Variants in PELP1 observed in about 807,000 individuals in gnomAD.
PELP1 encodes proline, glutamate and leucine rich protein 1.
Under a neutral mutation model 95.5 loss-of-function variants are expected in PELP1, and 32 were observed. That is an observed-to-expected ratio of 0.34 (90% CI 0.25 to 0.45). The LOEUF (loss-of-function observed/expected upper bound fraction) is 0.45. PELP1 is among the 20% of genes least tolerant of loss of function. PELP1 has a pLI of 1.00. For synonymous variants in PELP1, 668 were observed against 600.1 expected (o/e 1.11, Z -1.65); for missense variants, 1,358 against 1,444.8 (o/e 0.94, Z 0.97).
chr17:4,681,743 T>C (rs1039560082), intron 5 of PELP1, among the ~76,000 whole-genome samples: 1 of 151,862 alleles, frequency 6.6e-6, no homozygotes, highest in Non-Finnish European at 1.5e-5. Context: ...GAGGTTGCAG[T>C]GAGCCAAGAT....
chr17:4,703,092 T>C (rs1047131945), intron 1 of PELP1, among the ~76,000 whole-genome samples: 24 of 152,324 alleles, frequency 1.6e-4, no homozygotes, highest in Middle Eastern at 3.4e-3. Context: ...TCCATTCTTA[T>C]AGAAGTCCAA....
Position 4,698,255 on chromosome 17 carries a change from C to T in PELP1, c.249+5608G>A, listed in dbSNP as rs936860308. Among the ~76,000 whole-genome samples, 9 of 151,952 alleles carry T rather than the reference C, an allele frequency of 5.9e-5. No individual in the cohort carries two copies. The East Asian group carries it at 9.6e-4, about 16-fold the overall frequency. On this transcript the variant is annotated intron_variant, in intron 1 of 16. Transcript: ENST00000572293. ...AGATCCTAACCTGAGGGGCATCCTA[C>T]GAAATAACTATTCTGTACTCTTTAA...
At chr17:4,698,901 A>G (rs1447882508) in intron 1 of PELP1, among the ~76,000 whole-genome samples, 2 of 152,178 alleles carry the variant, frequency 1.3e-5, no homozygotes, top group African/African-American at 2.4e-5. Context: ...ACACACTAAA[A>G]TATGTCAAAG....
chr17:4,695,512 A>T (rs992944358), intron 1 of PELP1, among the ~76,000 whole-genome samples: 1 of 151,382 alleles, frequency 6.6e-6, no homozygotes, highest in Non-Finnish European at 1.5e-5. Context: ...AAAAATTTTT[A>T]AAAATTAGCC....
Position 4,671,156 on chromosome 17 carries a change from C to T in PELP1, c.*283G>A, listed in dbSNP as rs1273410030. 4.1e-6 allele frequency: 2 copies of T among 482,486 alleles called. No homozygotes were observed. Among genetic ancestry groups the T allele is most frequent in the Non-Finnish European group, 7.5e-6 (2 of 267,362 alleles). The allele number at this position is 482,486 out of a possible 1,614,324, so 29.9% of individuals were successfully genotyped here. A position where few individuals can be genotyped will look rare whatever the true frequency, so the allele number is the denominator to read the frequency against. On this transcript the variant is annotated 3_prime_UTR_variant, in exon 17 of 17. Coordinates refer to ENST00000572293, the MANE Select transcript of PELP1 (RefSeq NM_014389.3). ...CTATAACTCCTCATTCTTAACCCTA[C>T]ACACAATTCTGCACGTTTAGCATCC...
At chr17:4,678,382 G>C (rs59395623) in intron 5 of PELP1, among the ~76,000 whole-genome samples, 1,944 of 152,060 alleles carry the variant, frequency 0.013, 38 homozygotes, top group African/African-American at 0.043. Flanking sequence ...GACTGACGTG[G>C]GAGGATCACT....
Position 4,675,026 on chromosome 17 carries a change from C to A in PELP1, c.1274+53G>T. ...TGCCAGAAGCCCCAGCCCACCTGCA[C>A]CCCCTCACCCCCCTCTCCTCTTTAT... On this transcript the variant is annotated intron_variant, in intron 11 of 16. Transcript: ENST00000572293. This position sits in a 1 kb window ranked among gnomAD's most constrained non-coding sequence, Gnocchi z 4.3. 2 of 1,605,640 alleles carry A rather than the reference C, an allele frequency of 1.2e-6. No homozygotes were observed. The highest frequency in any genetic ancestry group is 1.7e-6 in the Non-Finnish European group (2 of 1,173,196).
rs868239336 is a variant in PELP1, at chr17:4,672,908, C to T, written c.2083G>A (p.Val695Met). Reference protein sequence around the residue: ...SAGPMPSAGPVPSARPGPPTT... With the variant: ...SAGPMPSAGPMPSARPGPPTT... Reference sequence around the variant, plus strand: ...GGAGGTCCAGGGCGTGCCGAGGGCACAGGGCCTGCTGAGGGCATGGGGCCT... The same window carrying T: ...GGAGGTCCAGGGCGTGCCGAGGGCATAGGGCCTGCTGAGGGCATGGGGCCT... Residue 695 changes from valine (V) to methionine (M), a missense_variant, in exon 16 of 17, where the codon GTG becomes ATG. Val to Met is a conservative substitution (Grantham distance 21). Around this residue, in one of 7 missense-constraint regions of PELP1, gnomAD observed 340 missense variants for 322.9 expected, o/e 1.05. Coordinates refer to ENST00000572293, the MANE Select transcript of PELP1 (RefSeq NM_014389.3). 1.2e-6 allele frequency: 2 copies of T among 1,601,776 alleles called. No homozygotes were observed. Among genetic ancestry groups the T allele is most frequent in the Admixed American group, 1.7e-5 (1 of 59,656 alleles).
At chr17:4,691,561 A>G in intron 1 of PELP1, 119 bp from the exon 2 acceptor site, 2 of 716,990 alleles carry the variant, frequency 2.8e-6, no homozygotes, top group Non-Finnish European at 2.4e-6. Context: ...ATCTCCTCTG[A>G]GGCCAAAAGG....
intron 3 of PELP1, among the ~76,000 whole-genome samples, chr17:4,684,220 C>A (rs1426011767): frequency 6.6e-6 from 1 of 152,124 alleles, no homozygotes; most frequent in Non-Finnish European, 1.5e-5. Context: ...AACAGGCAGG[C>A]CTACCAACGA....
chr17:4,672,572 T>C lies in PELP1; in HGVS notation c.2419A>G (p.Thr807Ala), dbSNP rs1260111546. ...PLPPPPPSGATPPPIAPTGPP... is the reference protein window; with the variant it reads ...PLPPPPPSGAAPPPIAPTGPP... ...CCAGTGGGGGCTATAGGGGGTGGTG[T>C]GGCACCTGAGGGTGGTGGGGGTGGC... Residue 807 changes from threonine to alanine, a missense_variant, in exon 16 of 17, where the codon ACA becomes GCA. Thr to Ala is a moderately conservative substitution (Grantham distance 58). Coordinates refer to ENST00000572293, the MANE Select transcript of PELP1 (RefSeq NM_014389.3). 2 of 760,506 alleles carry C rather than the reference T, an allele frequency of 2.6e-6. No individual in the cohort carries two copies. The highest frequency in any genetic ancestry group is 4.6e-5 in the African/African-American group (1 of 21,808). 47.1% of individuals were successfully genotyped at this position (760,506 alleles called of 1,614,324 possible). A position where few individuals can be genotyped will look rare whatever the true frequency, so the allele number is the denominator to read the frequency against.
rs2135909 is a variant in PELP1 at position 4,670,758 on chromosome 17, A to G, written c.*681T>C. On this transcript the variant is annotated 3_prime_UTR_variant, in exon 17 of 17. Coordinates refer to ENST00000572293, the MANE Select transcript of PELP1 (RefSeq NM_014389.3). ...AAAGAAAAGACACTGGGTGGGAAATATCCACACCTCAAGAGTGAGCAGGAA... is the reference window on the plus strand; with the variant it reads ...AAAGAAAAGACACTGGGTGGGAAATGTCCACACCTCAAGAGTGAGCAGGAA... 138,834 of 152,320 alleles carry G rather than the reference A, an allele frequency of 0.91. 64,650 individuals are homozygous for G. The highest frequency in any genetic ancestry group is 1 in the East Asian group (5,162 of 5,162). 9.4% of individuals were successfully genotyped at this position (152,320 alleles called of 1,614,324 possible).
chr17:4,694,837 G>A (rs1442589820), intron 1 of PELP1, among the ~76,000 whole-genome samples: 1 of 151,304 alleles, frequency 6.6e-6, no homozygotes, highest in Non-Finnish European at 1.5e-5. Context: ...CAGGCGTGGT[G>A]GTGGGCGCCT....
chr17:4,699,501 A>C (rs992159077), intron 1 of PELP1, among the ~76,000 whole-genome samples: 1 of 152,248 alleles, frequency 6.6e-6, no homozygotes, highest in Non-Finnish European at 1.5e-5. Flanking sequence ...AAGAAGAAGG[A>C]GAGACAAAAA....
intron 5 of PELP1, among the ~76,000 whole-genome samples, chr17:4,679,438 CAGA>C (rs1435179087): frequency 1.3e-5 from 2 of 152,138 alleles, no homozygotes; most frequent in African/African-American, 2.4e-5. Context: ...AAAGCAACAG[CAGA>C]AGAACACTTA....
intron 3 of PELP1, among the ~76,000 whole-genome samples, chr17:4,689,335 G>A (rs957792039): frequency 3.3e-5 from 5 of 152,094 alleles, no homozygotes; most frequent in African/African-American, 1.2e-4. Context: ...ATAAATAGAT[G>A]GGACTTAACT....
rs376886957 is a variant in PELP1 at position 4,675,890 on chromosome 17, G to C, written c.981-6C>G. On this transcript the variant is annotated splice_polypyrimidine_tract_variant and splice_region_variant and intron_variant, in intron 8 of 16. Coordinates refer to ENST00000572293, the MANE Select transcript of PELP1 (RefSeq NM_014389.3). The surrounding 1 kb of genome is among the most constrained non-coding windows in gnomAD (Gnocchi z 4.3). ...CGGGAGCTCCAAACTCAGAGCTAAA[G>C]AGAATCAGAGCAGGGAGACCTTCAG... 3.4e-4 allele frequency: 543 copies of C among 1,588,834 alleles called. No individual in the cohort carries two copies. The highest frequency in any genetic ancestry group is 7.4e-4 in the Admixed American group (41 of 55,372).
chr17:4,699,960 A>G (rs1274319709), intron 1 of PELP1, among the ~76,000 whole-genome samples: 2 of 131,554 alleles, frequency 1.5e-5, no homozygotes, highest in Admixed American at 1.8e-4. Context: ...TAGAGTGCAG[A>G]GGCGCGATCT....
intron 3 of PELP1, among the ~76,000 whole-genome samples, chr17:4,683,975 A>AGAGC (rs556351706): frequency 2.6e-5 from 4 of 151,802 alleles, no homozygotes; most frequent in Non-Finnish European, 5.9e-5. Context: ...GAAAGGGAGA[A>AGAGC]GAGCACTTTT....
Sources: allele counts gnomAD v4.1 joint callset (sites outside exome capture counted in the v4.1 genomes callset), GRCh38; gene constraint gnomAD v4.1.1; regional missense constraint gnomAD v4.1.1; non-coding constraint Gnocchi (gnomAD v3.1); transcripts MANE v1.5; gene names NCBI Gene and HGNC (gene_info 2026-07-23, HGNC 2026-07-21).